Variants in KATNA1 observed in about 807,000 individuals in gnomAD.
KATNA1 encodes katanin catalytic subunit A1, also known as katanin p60 ATPase-containing subunit A1.
A neutral mutation model predicts 62.6 loss-of-function variants in KATNA1; 42 were observed. The observed-to-expected ratio is 0.67, with a 90% CI of 0.52 to 0.87. The LOEUF is 0.87. KATNA1 is among the 40% of genes least tolerant of loss of function. The pLI is 0.00. For missense variants in KATNA1, 498 were observed against 612.5 expected (o/e 0.81, Z 1.97); for synonymous variants, 186 against 201.9 (o/e 0.92, Z 0.67).
At position 149,637,602 on chromosome 6, in the gene KATNA1, A is replaced by C. The variant is rs141218962; in HGVS notation, c.162+784T>G. Among the ~76,000 whole-genome samples the C allele has an allele frequency of 7.4e-3, 1,133 of 152,214 alleles. 14 individuals are homozygous for C. Among genetic ancestry groups the C allele is most frequent in the African/African-American group, 0.025 (1,045 of 41,546 alleles). ...AGCACTTTGGGAGGTCAAGGTGGGC[A>C]GATCACCTGAGGTCAGGAGTTCAAC... On this transcript the variant is annotated intron_variant, in intron 2 of 10. Transcript: ENST00000367411.
intron 4 of KATNA1, among the ~76,000 whole-genome samples, chr6:149,609,827 G>A (rs1251024679): frequency 1.0e-5 from 1 of 98,912 alleles, no homozygotes; most frequent in Non-Finnish European, 2.0e-5. Flanking sequence ...TAGGCCAGGT[G>A]CGGTGGCTCA....
intron 3 of KATNA1, among the ~76,000 whole-genome samples, chr6:149,625,271 C>A (rs556112799): frequency 8.5e-5 from 13 of 152,208 alleles, no homozygotes; most frequent in African/African-American, 3.1e-4. Context: ...ACAAATATCA[C>A]TGAGACATGA....
At chr6:149,632,503 C>T (rs943706523) in intron 3 of KATNA1, among the ~76,000 whole-genome samples, 6 of 152,148 alleles carry the variant, frequency 3.9e-5, no homozygotes, top group Non-Finnish European at 8.8e-5. Flanking sequence ...ATTCTCCTTC[C>T]ACAAGATAAC....
chr6:149,640,539 T>A (rs538924190), intron 1 of KATNA1, among the ~76,000 whole-genome samples: 1 of 151,600 alleles, frequency 6.6e-6, no homozygotes, highest in East Asian at 1.9e-4. Context: ...TTTTTTTGGG[T>A]TTTTTTGGGT....
intron 4 of KATNA1, among the ~76,000 whole-genome samples, chr6:149,611,708 T>G (rs879424037): frequency 2.0e-5 from 3 of 151,836 alleles, no homozygotes; most frequent in Non-Finnish European, 2.9e-5. Context: ...ACTTAAAGAA[T>G]AAGGAATATG....
chr6:149,606,651 T>C (rs1178293475), intron 4 of KATNA1, among the ~76,000 whole-genome samples: 2 of 151,604 alleles, frequency 1.3e-5, no homozygotes, highest in Non-Finnish European at 2.9e-5. Flanking sequence ...GGAGTTTCAT[T>C]CTTGTTGCCC....
At chr6:149,604,238 G>A (rs1267559523) in intron 5 of KATNA1, among the ~76,000 whole-genome samples, 1 of 152,066 alleles carries the variant, frequency 6.6e-6, no homozygotes, top group Non-Finnish European at 1.5e-5. Context: ...TTGGGAGGCT[G>A]AGGCAGGAGG....
chr6:149,632,114 C>T (rs1347179037), intron 3 of KATNA1, among the ~76,000 whole-genome samples: 1 of 152,086 alleles, frequency 6.6e-6, no homozygotes, highest in East Asian at 1.9e-4. Flanking sequence ...TGAGGCCTGG[C>T]TGGGCACGGT....
At chr6:149,633,757 A>C (rs1361577948) in intron 2 of KATNA1, among the ~76,000 whole-genome samples, 1 of 151,324 alleles carries the variant, frequency 6.6e-6, no homozygotes, top group African/African-American at 2.4e-5. Context: ...TAAAAAAAAA[A>C]TCCAGGCTAA....
At chr6:149,633,046 G>T in intron 2 of KATNA1, 130 bp from the exon 3 acceptor site, 2 of 559,676 alleles carry the variant, frequency 3.6e-6, no homozygotes, top group Non-Finnish European at 3.0e-6. Context: ...ACCACATCAA[G>T]ATATTCTATC....
intron 7 of KATNA1, among the ~76,000 whole-genome samples, chr6:149,600,787 A>AAT (rs1380279851): frequency 6.7e-6 from 1 of 150,096 alleles, no homozygotes; most frequent in East Asian, 1.9e-4. Flanking sequence ...AAAAAAAAAA[A>AAT]AAAAATGAGC....
chr6:149,633,264 C>T (rs1255575754), intron 2 of KATNA1, among the ~76,000 whole-genome samples: 2 of 151,760 alleles, frequency 1.3e-5, no homozygotes, highest in East Asian at 3.9e-4. Flanking sequence ...CCCGCCACCA[C>T]GCCTGGCTAA....
chr6:149,620,988 T>C (rs9498389), intron 4 of KATNA1, among the ~76,000 whole-genome samples: 1 of 152,120 alleles, frequency 6.6e-6, no homozygotes, highest in Non-Finnish European at 1.5e-5. Flanking sequence ...AGTATTTACA[T>C]AGTCTCAAAG....
intron 3 of KATNA1, 23 bp downstream of exon 3, chr6:149,632,736 T>C: frequency 6.3e-7 from 1 of 1,585,820 alleles, no homozygotes; most frequent in Non-Finnish European, 8.5e-7. Context: ...GGATAACTGG[T>C]TTCTTAAAAG....
chr6:149,595,379 T>A (rs960057427), intron 10 of KATNA1, 145 bp from the exon 11 acceptor site: 3 of 543,650 alleles, frequency 5.5e-6, no homozygotes, highest in Non-Finnish European at 9.4e-6. Flanking sequence ...TAGAAACTTA[T>A]TGGAATACAA....
chr6:149,624,172 T>C (rs533179419), intron 3 of KATNA1, among the ~76,000 whole-genome samples: 19 of 152,304 alleles, frequency 1.2e-4, no homozygotes, highest in African/African-American at 3.4e-4. Context: ...CAATGAGCAC[T>C]TCCTTTGGCA....
chr6:149,600,530 G>C (rs1210902619), intron 7 of KATNA1, among the ~76,000 whole-genome samples: 2 of 152,072 alleles, frequency 1.3e-5, no homozygotes, highest in African/African-American at 4.8e-5. Context: ...CTACTCAGGA[G>C]GCTAAGGTGG....
At chr6:149,635,101 TAAC>T (rs1562300097) in intron 2 of KATNA1, among the ~76,000 whole-genome samples, 1 of 151,976 alleles carries the variant, frequency 6.6e-6, no homozygotes, top group African/African-American at 2.4e-5. Context: ...TTGGGCAACA[TAAC>T]AATAACCCAT....
At position 149,595,246 on chromosome 6, in the gene KATNA1, G is replaced by A. The variant is rs1011696309; in HGVS notation, c.1278-12C>T. On this transcript the variant is annotated splice_polypyrimidine_tract_variant and intron_variant, in intron 10 of 10. Coordinates refer to ENST00000367411, the MANE Select transcript of KATNA1 (RefSeq NM_007044.4). ...TCAAGGACGCATCCCTAGGTTTTAA[G>A]TTAAAAACAACAACAACACACACAA... 2 of 1,606,338 alleles carry A rather than the reference G, an allele frequency of 1.2e-6. No homozygotes were observed. Among genetic ancestry groups the A allele is most frequent in the Non-Finnish European group, 1.7e-6 (2 of 1,174,554 alleles).
Sources: gnomAD v4.1 joint callset for allele counts (sites outside exome capture counted in the v4.1 genomes callset) on GRCh38, gnomAD v4.1.1 for gene constraint, MANE v1.5 for transcripts, NCBI Gene and HGNC (gene_info 2026-07-23, HGNC 2026-07-21) for gene names.